The following PRKD3 variants were observed in gnomAD, a reference collection of about 807,000 sequenced individuals.
PRKD3 encodes serine/threonine-protein kinase D3.
A neutral mutation model predicts 99.2 loss-of-function variants in PRKD3; 47 were observed. That is an observed-to-expected ratio of 0.47 (90% CI 0.38 to 0.60). PRKD3 has a LOEUF of 0.60. Among genes scored for constraint, PRKD3 ranks in the 20% least tolerant of loss-of-function variants. The pLI is 0.00. For missense variants in PRKD3, 1,019 were observed against 1,088.4 expected, an observed-to-expected ratio of 0.94 and a Z score of 0.90; for synonymous variants, 392 against 355.4, an observed-to-expected ratio of 1.10 and a Z score of -1.16.
chr2:37,255,995 G>A (rs1224190861), intron 17 of PRKD3, among the ~76,000 whole-genome samples: 1 of 152,154 alleles, frequency 6.6e-6, no homozygotes, highest in Admixed American at 6.6e-5. Context: ...GGGTGACAGA[G>A]GGAGACCCCG....
At chr2:37,305,899 G>C (rs1180378048) in intron 2 of PRKD3, among the ~76,000 whole-genome samples, 4 of 152,082 alleles carry the variant, frequency 2.6e-5, no homozygotes, top group Non-Finnish European at 4.4e-5. Flanking sequence ...TTCTTCTATG[G>C]AGGTGGACTT....
At chr2:37,301,262 T>C (rs1455916946) in intron 2 of PRKD3, among the ~76,000 whole-genome samples, 1 of 152,150 alleles carries the variant, frequency 6.6e-6, no homozygotes, top group Non-Finnish European at 1.5e-5. Context: ...ATGTAGAATT[T>C]CTCAAAATGA....
chr2:37,313,696 T>G (rs1671540249), intron 2 of PRKD3, among the ~76,000 whole-genome samples: 1 of 152,184 alleles, frequency 6.6e-6, no homozygotes. Flanking sequence ...TAACACCAAG[T>G]ATTAGTCCCT....
intron 2 of PRKD3, among the ~76,000 whole-genome samples, chr2:37,309,558 C>G (rs1671324926): frequency 6.6e-6 from 1 of 151,982 alleles, no homozygotes; most frequent in Non-Finnish European, 1.5e-5. Flanking sequence ...TCTAAAGAAG[C>G]ATATTTGGCC....
At chr2:37,287,076 C>T (rs540598942) in intron 5 of PRKD3, among the ~76,000 whole-genome samples, 1 of 151,160 alleles carries the variant, frequency 6.6e-6, no homozygotes, top group Non-Finnish European at 1.5e-5. Context: ...ACTAAAAATA[C>T]AAAATTAGCC....
In PRKD3 at chr2:37,286,262, A is replaced by G. The variant is rs1670090138; in HGVS notation, c.825T>C (p.Ala275=). ...MCRVKVPHTF[A]VHSYTRPTIC... Reference sequence around the variant, plus strand: ...TCGTGGGACGGGTGTAAGAGTGAACAGCAAATGTGTGTGGAACTTTCACTC... The same window carrying G: ...TCGTGGGACGGGTGTAAGAGTGAACGGCAAATGTGTGTGGAACTTTCACTC... Residue 275 remains alanine (A), a synonymous_variant, in exon 6 of 19, where the codon GCT becomes GCC. Coordinates refer to ENST00000234179, the MANE Select transcript of PRKD3 (RefSeq NM_005813.6). The G allele has an allele frequency of 1.9e-6, 3 of 1,614,028 alleles. No individual in the cohort carries two copies. Among genetic ancestry groups the G allele is most frequent in the African/African-American group, 1.3e-5 (1 of 74,926 alleles).
chr2:37,296,899 C>CA (rs748730644), intron 2 of PRKD3, among the ~76,000 whole-genome samples: 4,510 of 45,292 alleles, frequency 0.1, 356 homozygotes, highest in East Asian at 0.42. Flanking sequence ...GACTCTGTCT[C>CA]AAAAAAAAAA....
intron 6 of PRKD3, among the ~76,000 whole-genome samples, chr2:37,282,833 C>G (rs940651198): frequency 6.6e-6 from 1 of 152,110 alleles, no homozygotes; most frequent in African/African-American, 2.4e-5. Flanking sequence ...ACAACACCGC[C>G]GAAATGTACT....
In PRKD3 at chr2:37,309,312, A is replaced by G. The variant is rs1671311781; in HGVS notation, c.288+6925T>C. On this transcript the variant is annotated intron_variant, in intron 2 of 18. Transcript: ENST00000234179. The stretch of plus-strand genomic sequence containing the variant: ...TTGTGACATCAAAAGATCTTATACA[A>G]TGTCACTTAACTGTTCCTATCCCTT... 1.3e-5 allele frequency among the ~76,000 whole-genome samples: 2 copies of G among 152,198 alleles called. 1 individual carries two copies. The highest frequency in any genetic ancestry group is 4.1e-4 in the South Asian group (2 of 4,830).
intron 9 of PRKD3, among the ~76,000 whole-genome samples, chr2:37,276,117 A>T (rs1364819491): frequency 6.6e-6 from 1 of 152,146 alleles, no homozygotes; most frequent in African/African-American, 2.4e-5. Context: ...TGCACACATG[A>T]ATACATATAT....
intron 14 of PRKD3, among the ~76,000 whole-genome samples, chr2:37,265,131 A>G (rs1343815207): frequency 2.0e-5 from 3 of 148,608 alleles, no homozygotes; most frequent in African/African-American, 5.3e-5. Context: ...GAGTTCAGAC[A>G]GCCTTTCAGG....
At chr2:37,270,189 T>G (rs1017344983) in intron 12 of PRKD3, among the ~76,000 whole-genome samples, 7 of 151,740 alleles carry the variant, frequency 4.6e-5, no homozygotes, top group Non-Finnish European at 7.4e-5. Context: ...ACTGTGCCAC[T>G]GCACTCCAGC....
chr2:37,324,573 G>A (rs1199210382), intron 1 of PRKD3, 108 bp downstream of exon 1: 1 of 140,370 alleles, frequency 7.1e-6, no homozygotes, highest in African/African-American at 2.5e-5. Flanking sequence ...GGGGATGGGG[G>A]AGGGGCCGCC....
intron 9 of PRKD3, among the ~76,000 whole-genome samples, chr2:37,277,599 G>A (rs143821868): frequency 8.3e-4 from 127 of 152,140 alleles, no homozygotes; most frequent in Admixed American, 1.8e-3. Flanking sequence ...ACTGTGTTTC[G>A]AGTTAATTAT....
intron 16 of PRKD3, 88 bp downstream of exon 16, chr2:37,259,495 C>A: frequency 1.1e-6 from 1 of 949,036 alleles, no homozygotes; most frequent in Non-Finnish European, 1.6e-6. Context: ...CATTTTTAAC[C>A]AACAGTACTT....
chr2:37,293,107 A>G (rs1293369094), intron 3 of PRKD3, 26 bp downstream of exon 3: 2 of 1,527,656 alleles, frequency 1.3e-6, no homozygotes, highest in Non-Finnish European at 1.8e-6. Flanking sequence ...GGAAAAGGCA[A>G]TCACTCTAAA....
In PRKD3 at chr2:37,305,687, G is replaced by A. The variant is rs541474238; in HGVS notation, c.288+10550C>T. On this transcript the variant is annotated intron_variant, in intron 2 of 18. Transcript: ENST00000234179. Reference sequence around the variant, plus strand: ...TCTGTTTTTTATAGTTTTTTTATACGTTAAATGCTAAAATCAAAAGGCAAG... The same window carrying A: ...TCTGTTTTTTATAGTTTTTTTATACATTAAATGCTAAAATCAAAAGGCAAG... 3.3e-5 allele frequency among the ~76,000 whole-genome samples: 5 copies of A among 152,112 alleles called. No individual in the cohort carries two copies. The South Asian group carries it at 8.3e-4, about 25-fold the overall frequency.
At chr2:37,280,934 A>C (rs1055513434) in intron 7 of PRKD3, among the ~76,000 whole-genome samples, 1 of 152,216 alleles carries the variant, frequency 6.6e-6, no homozygotes, top group African/African-American at 2.4e-5. Context: ...AAGTAACCTA[A>C]ATGGGCAAAG....
chr2:37,261,143 A>G (rs1668407546), intron 14 of PRKD3, among the ~76,000 whole-genome samples: 1 of 152,208 alleles, frequency 6.6e-6, no homozygotes, highest in Non-Finnish European at 1.5e-5. Flanking sequence ...TTAATCTTAA[A>G]TATGTTCTAC....
Sources: allele counts gnomAD v4.1 joint callset (sites outside exome capture counted in the v4.1 genomes callset), GRCh38; gene constraint gnomAD v4.1.1; transcripts MANE v1.5; gene names NCBI Gene and HGNC (gene_info 2026-07-23, HGNC 2026-07-21).